The following IQSEC1 variants were observed in gnomAD, a reference collection of about 807,000 sequenced individuals.
IQSEC1 encodes IQ motif and SEC7 domain-containing protein 1.
A neutral mutation model predicts 91.0 loss-of-function variants in IQSEC1; 31 were observed. The observed-to-expected ratio is 0.34, with a 90% CI of 0.26 to 0.46. IQSEC1 has a LOEUF of 0.46. Ranked by LOEUF, IQSEC1 falls within the 20% of genes least tolerant of loss-of-function variation. The pLI is 1.00. For synonymous variants in IQSEC1, 699 were observed against 662.6 expected (o/e 1.05, Z -0.84); for missense variants, 1,388 against 1,575.6 (o/e 0.88, Z 2.02).
At chr3:13,025,125 G>A (rs1487734675) in intron 1 of IQSEC1, among the ~76,000 whole-genome samples, 2 of 152,238 alleles carry the variant, frequency 1.3e-5, no homozygotes, top group East Asian at 1.9e-4. Flanking sequence ...GCACTGCCGG[G>A]CACGTGTTAG....
At chr3:13,239,802 C>G (rs1333014080) in intron 1 of IQSEC1, among the ~76,000 whole-genome samples, 2 of 152,238 alleles carry the variant, frequency 1.3e-5, no homozygotes, top group South Asian at 2.1e-4. Flanking sequence ...CCTGCAGGAC[C>G]ACGTTGCGAA....
At chr3:13,158,476 C>T (rs1707118017) in intron 2 of IQSEC1, among the ~76,000 whole-genome samples, 1 of 152,326 alleles carries the variant, frequency 6.6e-6, no homozygotes, top group South Asian at 2.1e-4. Flanking sequence ...TACGTTTACT[C>T]ACACATCTTG....
Position 12,934,925 on chromosome 3 carries a change from T to C in IQSEC1, c.1568+523A>G, listed in dbSNP as rs113990791. ...CTTCCATCCAGGACACGGTTCTGGG[T>C]CTGGCCAGCAACTGCCCCTGAGCAC... On this transcript the variant is annotated intron_variant, in intron 3 of 13. Coordinates refer to ENST00000613206, the MANE Select transcript of IQSEC1 (RefSeq NM_001134382.3). Among the ~76,000 whole-genome samples the C allele has an allele frequency of 8.7e-3, 1,312 of 151,018 alleles. 18 individuals are homozygous for C. The highest frequency in any genetic ancestry group is 0.03 in the African/African-American group (1,233 of 41,072).
chr3:12,982,363 C>G (rs1701507327), intron 1 of IQSEC1, among the ~76,000 whole-genome samples: 1 of 152,188 alleles, frequency 6.6e-6, no homozygotes, highest in Non-Finnish European at 1.5e-5. Flanking sequence ...ATTAAGACAT[C>G]ATCAACCTTG....
chr3:13,169,955 G>T (rs1351721965), intron 1 of IQSEC1, among the ~76,000 whole-genome samples: 1 of 152,238 alleles, frequency 6.6e-6, no homozygotes, highest in Non-Finnish European at 1.5e-5. Flanking sequence ...GCTGGCTGCA[G>T]AAATTTACAT....
intron 2 of IQSEC1, among the ~76,000 whole-genome samples, chr3:13,130,172 C>T (rs774856274): frequency 2.0e-5 from 3 of 150,422 alleles, no homozygotes; most frequent in Admixed American, 6.6e-5. Context: ...GGTGAAACCC[C>T]GCCTCTACTA....
intron 1 of IQSEC1, among the ~76,000 whole-genome samples, chr3:12,955,906 A>G (rs2125448463): frequency 6.6e-6 from 1 of 151,984 alleles, no homozygotes. Flanking sequence ...GAGGTCTCCA[A>G]TAGAGACTGG....
chr3:13,159,321 C>T (rs1036662089), intron 2 of IQSEC1, among the ~76,000 whole-genome samples: 11 of 152,160 alleles, frequency 7.2e-5, no homozygotes, highest in East Asian at 1.9e-4. Flanking sequence ...CCCAGCTTCT[C>T]GGGAGGCTGA....
intron 1 of IQSEC1, among the ~76,000 whole-genome samples, chr3:13,169,398 C>T (rs369442274): frequency 1.3e-5 from 2 of 152,162 alleles, no homozygotes; most frequent in East Asian, 1.9e-4. Context: ...TCAGATATGT[C>T]TTTATCAGCA....
At chr3:13,257,340 G>A (rs180947402) in intron 1 of IQSEC1, among the ~76,000 whole-genome samples, 39 of 152,270 alleles carry the variant, frequency 2.6e-4, no homozygotes, top group African/African-American at 7.0e-4. Context: ...ATAACATTCC[G>A]GCTAGGCAGG....
At chr3:13,112,573 G>A (rs1006878225) in intron 2 of IQSEC1, among the ~76,000 whole-genome samples, 4 of 150,062 alleles carry the variant, frequency 2.7e-5, no homozygotes, top group Non-Finnish European at 5.9e-5. Flanking sequence ...TCCCAGGGAG[G>A]GCACTGCGTG....
At chr3:12,910,888 G>A (rs567508400) in intron 10 of IQSEC1, among the ~76,000 whole-genome samples, 1 of 152,204 alleles carries the variant, frequency 6.6e-6, no homozygotes, top group Non-Finnish European at 1.5e-5. Context: ...GACACTCCAG[G>A]TGGCCCCCTG....
chr3:13,051,195 C>G, intron 1 of IQSEC1, among the ~76,000 whole-genome samples: 1 of 152,208 alleles, frequency 6.6e-6, no homozygotes, highest in Non-Finnish European at 1.5e-5. Context: ...GCCCCTCCTC[C>G]ATCCTTCACC....
At chr3:13,076,042 T>C (rs547119703), upstream of IQSEC1, among the ~76,000 whole-genome samples, 2 of 152,316 alleles carry the variant, frequency 1.3e-5, no homozygotes, top group East Asian at 1.9e-4. Flanking sequence ...AGGGTCCTGA[T>C]CACATAAGAA....
chr3:13,113,700 C>T (rs773219451), intron 2 of IQSEC1, among the ~76,000 whole-genome samples: 12 of 152,170 alleles, frequency 7.9e-5, no homozygotes, highest in East Asian at 1.9e-4. Context: ...CTGTCGAGAA[C>T]GGTCACCAGG....
intron 2 of IQSEC1, among the ~76,000 whole-genome samples, chr3:13,111,656 C>T (rs999823126): frequency 6.6e-6 from 1 of 152,088 alleles, no homozygotes; most frequent in African/African-American, 2.4e-5. Flanking sequence ...GGTGATTACG[C>T]TGAGATGAGG....
chr3:13,256,930 C>A (rs2125124206), intron 1 of IQSEC1, among the ~76,000 whole-genome samples: 1 of 152,270 alleles, frequency 6.6e-6, no homozygotes, highest in East Asian at 1.9e-4. Context: ...TGCTCCCCAA[C>A]CCAAAAACAG....
At chr3:13,243,844 C>T (rs560292780) in intron 1 of IQSEC1, among the ~76,000 whole-genome samples, 2 of 152,354 alleles carry the variant, frequency 1.3e-5, no homozygotes, top group African/African-American at 4.8e-5. Context: ...TGGATTCCTG[C>T]TGTTCTGTTT....
At chr3:13,279,046 G>A (rs1465719331) in intron 1 of IQSEC1, among the ~76,000 whole-genome samples, 2 of 152,186 alleles carry the variant, frequency 1.3e-5, no homozygotes, top group Non-Finnish European at 1.5e-5. Context: ...CGTAAGCAGG[G>A]CAGGCACACA....
Sources: allele counts gnomAD v4.1 joint callset (sites outside exome capture counted in the v4.1 genomes callset), GRCh38; gene constraint gnomAD v4.1.1; transcripts MANE v1.5; gene names NCBI Gene and HGNC (gene_info 2026-07-23, HGNC 2026-07-21).